CNTNAP3: variants seen among roughly 807,000 people sequenced by gnomAD.
CNTNAP3 encodes the protein contactin associated protein family member 3.
In CNTNAP3, 36 loss-of-function variants were observed where a neutral mutation model predicts 92.1. That is an observed-to-expected ratio of 0.39 (90% CI 0.30 to 0.52). The LOEUF (loss-of-function observed/expected upper bound fraction) is 0.52. CNTNAP3 is among the 20% of genes least tolerant of loss of function. CNTNAP3 has a pLI of 0.76. For synonymous variants in CNTNAP3, 232 were observed against 422.3 expected (o/e 0.55, Z 5.53); for missense variants, 534 against 1,069.6 (o/e 0.50, Z 6.98).
chr9:39,252,894 T>C (rs186691542), intron 2 of CNTNAP3, among the ~76,000 whole-genome samples: 1,928 of 9,636 alleles, frequency 0.2, 926 homozygotes, highest in South Asian at 1. Flanking sequence ...CTGACATATA[T>C]GTGTGCTTAT....
At chr9:39,141,293 A>G (rs1408290155) in intron 11 of CNTNAP3, among the ~76,000 whole-genome samples, 2 of 152,204 alleles carry the variant, frequency 1.3e-5, no homozygotes, top group Non-Finnish European at 2.9e-5. Context: ...GTATTTTCCC[A>G]TAAGCATTCT....
rs760583489 is a variant in CNTNAP3 at position 39,132,942 on chromosome 9, C to G, written c.2070G>C (p.Pro690=). The G allele has an allele frequency of 3.2e-6, 5 of 1,545,160 alleles. No individual in the cohort carries two copies. Among genetic ancestry groups the G allele is most frequent in the Non-Finnish European group, 4.3e-6 (5 of 1,155,482 alleles). Residue 690 remains proline (P), a synonymous_variant, in exon 13 of 24, where the codon CCG becomes CCC. Coordinates refer to ENST00000297668, the MANE Select transcript of CNTNAP3 (RefSeq NM_033655.5). ...LALRCGTARR[P]DSRDGTPLSW... ...AGGAGTGGCGCTTACCTCGTGAGTC[C>G]GGGCGCCGCGCCGTCCCGCAGCGCA...
rs1388000295 is a variant in CNTNAP3 at position 39,069,122 on chromosome 9, G to A, written c.*4768C>T. Reference sequence around the variant, plus strand: ...ATTATGTTTACTCACTGCAGATTAAGATGAACATTGTAGATTGGAGCATAT... The same window carrying A: ...ATTATGTTTACTCACTGCAGATTAAAATGAACATTGTAGATTGGAGCATAT... On this transcript the variant is annotated 3_prime_UTR_variant, in exon 24 of 24. Coordinates refer to ENST00000297668, the MANE Select transcript of CNTNAP3 (RefSeq NM_033655.5). Among the ~76,000 whole-genome samples, 1 of 152,344 alleles carries A rather than the reference G, an allele frequency of 6.6e-6. No individual in the cohort carries two copies. Among genetic ancestry groups the A allele is most frequent in the African/African-American group, 2.4e-5 (1 of 41,584 alleles).
chr9:39,148,857 CATTT>C (rs1199242116), intron 10 of CNTNAP3, among the ~76,000 whole-genome samples: 4 of 152,102 alleles, frequency 2.6e-5, no homozygotes, highest in African/African-American at 4.8e-5. Flanking sequence ...AAATCTGTAG[CATTT>C]ATTTATTCAC....
chr9:39,067,493 G>C lies in CNTNAP3; in HGVS notation c.*6397C>G, dbSNP rs1587688788. ...GCCCACTGCAAACTCTGCCTCCCGG[G>C]TTCATGCCATTCTCCTGCCCCAGCC... On this transcript the variant is annotated 3_prime_UTR_variant, in exon 24 of 24. Transcript: ENST00000297668. Among the ~76,000 whole-genome samples the C allele has an allele frequency of 6.6e-6, 1 of 152,428 alleles. No individual in the cohort carries two copies. Among genetic ancestry groups the C allele is most frequent in the South Asian group, 2.1e-4 (1 of 4,834 alleles).
chr9:39,094,408 T>C (rs561883569), intron 18 of CNTNAP3, among the ~76,000 whole-genome samples: 1 of 151,760 alleles, frequency 6.6e-6, no homozygotes. Context: ...TGCCCGTGCT[T>C]TTGGGGTGAT....
intron 14 of CNTNAP3, among the ~76,000 whole-genome samples, chr9:39,113,445 C>G (rs1274883044): frequency 6.6e-6 from 1 of 152,022 alleles, no homozygotes; most frequent in African/African-American, 2.4e-5. Context: ...TATAGAAATT[C>G]AAGTAATTCC....
intron 18 of CNTNAP3, among the ~76,000 whole-genome samples, chr9:39,094,196 C>T (rs1448814754): frequency 6.6e-6 from 1 of 151,398 alleles, no homozygotes; most frequent in Non-Finnish European, 1.5e-5. Context: ...CTCATCAAGT[C>T]CTTTGTCCAA....
intron 21 of CNTNAP3, among the ~76,000 whole-genome samples, chr9:39,084,396 G>A (rs1826021935): frequency 2.0e-5 from 3 of 151,586 alleles, no homozygotes; most frequent in African/African-American, 4.8e-5. Context: ...GGGTTTCACC[G>A]TGTTAGCCAG....
intron 13 of CNTNAP3, among the ~76,000 whole-genome samples, 196 bp downstream of exon 13, chr9:39,132,736 C>T (rs1367985949): frequency 6.6e-6 from 1 of 152,172 alleles, no homozygotes. Flanking sequence ...CGCTGAACGT[C>T]TCTCAACGGT....
intron 16 of CNTNAP3, 76 bp downstream of exon 16, chr9:39,103,668 C>T (rs1826522835): frequency 1.5e-5 from 21 of 1,419,414 alleles, no homozygotes; most frequent in Non-Finnish European, 2.0e-5. Context: ...GAATGAAATA[C>T]TAACATTTTG....
intron 20 of CNTNAP3, chr9:39,086,037 C>T (rs1429815932): frequency 1.7e-4 from 104 of 617,474 alleles, no homozygotes; most frequent in Non-Finnish European, 2.5e-4. Flanking sequence ...ACTCTATCCA[C>T]GATGTACCCA....
chr9:39,078,527 C>T, intron 22 of CNTNAP3, 71 bp from the exon 23 acceptor site: 1 of 1,574,658 alleles, frequency 6.4e-7, no homozygotes, highest in South Asian at 1.1e-5. Context: ...ACATAGCAAA[C>T]TTGTCAATTA....
chr9:39,136,610 T>A (rs1821442684), intron 12 of CNTNAP3, among the ~76,000 whole-genome samples: 1 of 152,076 alleles, frequency 6.6e-6, no homozygotes, highest in Non-Finnish European at 1.5e-5. Flanking sequence ...AAGAATTTAC[T>A]TTTACCTGGC....
At chr9:39,099,751 T>G in intron 18 of CNTNAP3, 160 bp downstream of exon 18, 1 of 851,172 alleles carries the variant, frequency 1.2e-6, no homozygotes, top group Non-Finnish European at 1.8e-6. Flanking sequence ...AAAACAGTCA[T>G]ATCCCTTCTA....
intron 12 of CNTNAP3, among the ~76,000 whole-genome samples, chr9:39,136,153 A>ATAAT (rs956891812): frequency 1.4e-5 from 2 of 144,280 alleles, no homozygotes; most frequent in African/African-American, 5.0e-5. Flanking sequence ...AATAATAATA[A>ATAAT]TAATAATAAT....
At chr9:39,125,158 C>T (rs1424907955) in intron 13 of CNTNAP3, among the ~76,000 whole-genome samples, 2 of 152,018 alleles carry the variant, frequency 1.3e-5, no homozygotes, top group African/African-American at 4.8e-5. Context: ...CACATATATA[C>T]CATGGAATAC....
At chr9:39,143,094 A>G (rs1821615529) in intron 11 of CNTNAP3, among the ~76,000 whole-genome samples, 1 of 151,842 alleles carries the variant, frequency 6.6e-6, no homozygotes, top group Admixed American at 6.6e-5. Context: ...AATAGGAAAA[A>G]AAAGGCTTTT....
Position 39,068,272 on chromosome 9 carries a change from T to C in CNTNAP3, c.*5618A>G, listed in dbSNP as rs1411593940. Among the ~76,000 whole-genome samples, 21 of 144,058 alleles carry C rather than the reference T, an allele frequency of 1.5e-4. No homozygotes were observed. The highest frequency in any genetic ancestry group is 2.8e-4 in the Admixed American group (4 of 14,258). The allele number at this position is 144,058 out of a possible 152,430, so 94.5% of individuals were successfully genotyped here. On this transcript the variant is annotated 3_prime_UTR_variant, in exon 24 of 24. Coordinates refer to ENST00000297668, the MANE Select transcript of CNTNAP3 (RefSeq NM_033655.5). The stretch of plus-strand genomic sequence containing the variant: ...AAAAAAAAAAAAAAAAAAAATTAGC[T>C]GGGCATGTTGGCTTGTGCCTGTAGT...
Sources: gnomAD v4.1 joint callset for allele counts (sites outside exome capture counted in the v4.1 genomes callset) on GRCh38, gnomAD v4.1.1 for gene constraint, MANE v1.5 for transcripts, NCBI Gene and HGNC (gene_info 2026-07-23, HGNC 2026-07-21) for gene names.